The following PAK2 variants were observed in gnomAD, a reference collection of about 807,000 sequenced individuals.
PAK2 encodes the protein serine/threonine-protein kinase PAK 2.
In PAK2, 21 loss-of-function variants were observed where a neutral mutation model predicts 65.9. That is an observed-to-expected ratio of 0.32 (90% CI 0.23 to 0.46). The LOEUF is 0.46. PAK2 is among the 20% of genes least tolerant of loss of function. The probability of loss-of-function intolerance (pLI) is 1.00; values close to 1 mark genes in which losing one functional copy is unlikely to be tolerated. For synonymous variants in PAK2, 204 were observed against 219.7 expected (o/e 0.93, Z 0.63); for missense variants, 324 against 642.6 (o/e 0.50, Z 5.36).
intron 3 of PAK2, among the ~76,000 whole-genome samples, 190 bp from the exon 4 acceptor site, chr3:196,802,825 GAC>G (rs1295096509): frequency 6.6e-6 from 1 of 152,120 alleles, no homozygotes; most frequent in Non-Finnish European, 1.5e-5. Context: ...CAGCCTGGGT[GAC>G]AGAGTGAGAC....
chr3:196,785,209 C>CA (rs1325326937), intron 2 of PAK2: 6 of 152,118 alleles, frequency 3.9e-5, no homozygotes, highest in African/African-American at 1.4e-4. Context: ...ATAATATAAT[C>CA]AGAGTGTTGT....
At chr3:196,758,270 A>C (rs1195387032) in intron 1 of PAK2, among the ~76,000 whole-genome samples, 1 of 152,254 alleles carries the variant, frequency 6.6e-6, no homozygotes, top group Non-Finnish European at 1.5e-5. Context: ...AAAGGAAATA[A>C]ACCAATACTT....
intron 3 of PAK2, among the ~76,000 whole-genome samples, chr3:196,802,552 A>G (rs1715452242): frequency 6.6e-6 from 1 of 152,090 alleles, no homozygotes. Context: ...CTTAGAAAAA[A>G]TAGACCTAGG....
chr3:196,763,548 T>TG (rs1051182327), intron 1 of PAK2, among the ~76,000 whole-genome samples: 1 of 152,046 alleles, frequency 6.6e-6, no homozygotes, highest in African/African-American at 2.4e-5. Context: ...GATCAGTAAC[T>TG]GGCAGGAGAA....
At chr3:196,823,167 G>A (rs1176206579) in intron 13 of PAK2, among the ~76,000 whole-genome samples, 1 of 152,142 alleles carries the variant, frequency 6.6e-6, no homozygotes, top group African/African-American at 2.4e-5. Flanking sequence ...TCATAATTCA[G>A]GCAAGCAGTG....
intron 11 of PAK2, among the ~76,000 whole-genome samples, chr3:196,817,000 G>A (rs1171132063): frequency 3.3e-5 from 5 of 151,890 alleles, no homozygotes; most frequent in East Asian, 1.9e-4. Flanking sequence ...AATCTTACCC[G>A]CTTCTCAGTG....
chr3:196,794,600 C>T (rs1036420203), intron 2 of PAK2, among the ~76,000 whole-genome samples: 24 of 152,184 alleles, frequency 1.6e-4, no homozygotes, highest in African/African-American at 4.1e-4. Flanking sequence ...CTGTCCCTGC[C>T]TTAGCCCACA....
intron 1 of PAK2, among the ~76,000 whole-genome samples, chr3:196,767,520 G>T (rs1037231162): frequency 6.6e-6 from 1 of 152,084 alleles, no homozygotes; most frequent in Non-Finnish European, 1.5e-5. Flanking sequence ...ACGGAGTCTT[G>T]CTCTGTCACC....
At chr3:196,814,399 T>C (rs1377368376) in intron 10 of PAK2, 52 bp from the exon 11 acceptor site, 2 of 711,470 alleles carry the variant, frequency 2.8e-6, no homozygotes, top group East Asian at 2.8e-5. Context: ...TAGAATACCA[T>C]GTGTTTAGGA....
At chr3:196,818,316 C>G (rs1231718865) in intron 12 of PAK2, among the ~76,000 whole-genome samples, 160 bp downstream of exon 12, 1 of 152,158 alleles carries the variant, frequency 6.6e-6, no homozygotes, top group Admixed American at 6.6e-5. Context: ...TTTAACTAAT[C>G]AGTGCCAGAG....
At chr3:196,747,279 C>T (rs1338849058) in intron 1 of PAK2, 2 of 151,924 alleles carry the variant, frequency 1.3e-5, no homozygotes, top group African/African-American at 2.4e-5. Flanking sequence ...GGTAATCGCT[C>T]CTCGGATAGA....
In PAK2 at chr3:196,820,079, T is replaced by A. The variant is rs1711599734; in HGVS notation, c.1154-292T>A. ...ATTTAGTTTTGGTGTCTACTTTTGC[T>A]TTACTTTTTCGTAGACCTCTTTCAG... is the stretch of plus-strand genomic sequence containing the variant. On this transcript the variant is annotated intron_variant, in intron 12 of 14. Coordinates refer to ENST00000327134, the MANE Select transcript of PAK2 (RefSeq NM_002577.4). The surrounding 1 kb of genome is among the most constrained non-coding windows in gnomAD (Gnocchi z 4.6). 6.6e-6 allele frequency among the ~76,000 whole-genome samples: 1 copy of A among 152,226 alleles called. No individual in the cohort carries two copies. Among genetic ancestry groups the A allele is most frequent in the Admixed American group, 6.6e-5 (1 of 15,266 alleles).
At position 196,739,945 on chromosome 3, in the gene PAK2, T is replaced by TCCCTC. The variant is rs1340468585; in HGVS notation, c.-221_-217dup. The TCCCTC allele has an allele frequency of 2.0e-5, 3 of 151,190 alleles. No homozygotes were observed. The highest frequency in any genetic ancestry group is 2.1e-4 in the South Asian group (1 of 4,776). 9.4% of individuals were successfully genotyped at this position (151,190 alleles called of 1,614,324 possible). On this transcript the variant is annotated 5_prime_UTR_variant, in exon 1 of 15. Transcript: ENST00000327134. The stretch of plus-strand genomic sequence containing the variant: ...CCGGGCCGTCGCCATTGCCGAAGGC[T>TCCCTC]CCCTCCCCTCCCCTCCCTGGCGTGC...
intron 11 of PAK2, among the ~76,000 whole-genome samples, chr3:196,815,582 A>T (rs1057002490): frequency 4.6e-5 from 7 of 151,828 alleles, no homozygotes; most frequent in Non-Finnish European, 8.8e-5. Context: ...AGGTCAAGAG[A>T]TTGAGACCAT....
intron 7 of PAK2, 112 bp downstream of exon 7, chr3:196,808,026 A>C (rs970893015): frequency 1.9e-6 from 2 of 1,039,620 alleles, no homozygotes; most frequent in Non-Finnish European, 2.8e-6. Flanking sequence ...ATAAAGAATA[A>C]ATTGTTTCCT....
At chr3:196,774,183 A>G (rs1206958882) in intron 1 of PAK2, among the ~76,000 whole-genome samples, 2 of 152,242 alleles carry the variant, frequency 1.3e-5, no homozygotes, top group Non-Finnish European at 1.5e-5. Flanking sequence ...TATAGTTGTA[A>G]TTCATTGCCG....
intron 13 of PAK2, among the ~76,000 whole-genome samples, chr3:196,821,807 A>C (rs1711663550): frequency 6.6e-6 from 1 of 152,192 alleles, no homozygotes; most frequent in African/African-American, 2.4e-5. Flanking sequence ...GTTAATACGG[A>C]ATTACCAGAT....
chr3:196,806,759 C>A, intron 6 of PAK2, 73 bp downstream of exon 6: 1 of 889,122 alleles, frequency 1.1e-6, no homozygotes, highest in Non-Finnish European at 1.9e-6. Context: ...TTGTATTTGA[C>A]TTTCAGTGAT....
chr3:196,815,424 A>C (rs73076604), intron 11 of PAK2, among the ~76,000 whole-genome samples: 3 of 149,440 alleles, frequency 2.0e-5, no homozygotes, highest in Non-Finnish European at 4.4e-5. Flanking sequence ...CTGAGGAGGC[A>C]GACATTGCAG....
Sources: gnomAD v4.1 joint callset for allele counts (sites outside exome capture counted in the v4.1 genomes callset) on GRCh38, gnomAD v4.1.1 for gene constraint, Gnocchi (gnomAD v3.1) non-coding constraint, MANE v1.5 for transcripts, NCBI Gene and HGNC (gene_info 2026-07-23, HGNC 2026-07-21) for gene names.